SRGAP2B: variants seen among roughly 807,000 people sequenced by gnomAD.
The protein encoded by SRGAP2B is SLIT-ROBO Rho GTPase activating protein 2B, also known as SLIT-ROBO Rho GTPase-activating protein 2B.
SRGAP2B carries 9 observed loss-of-function variants against 22.2 expected under a neutral mutation model. The ratio of observed to expected loss-of-function variants is 0.41; its 90% CI spans 0.24 to 0.71. The LOEUF (loss-of-function observed/expected upper bound fraction) is 0.71, where lower values mean the gene tolerates loss of function less well. Among genes scored for constraint, SRGAP2B ranks in the 30% least tolerant of loss-of-function variants. The pLI, the probability that SRGAP2B is intolerant of heterozygous loss-of-function variation, is 0.35. For missense variants in SRGAP2B, 114 were observed against 235.8 expected (o/e 0.48, Z 3.38); for synonymous variants, 36 against 87.4 (o/e 0.41, Z 3.28).
At chr1:144,910,370 C>A (rs1663333028) in intron 5 of SRGAP2B, among the ~76,000 whole-genome samples, 1 of 143,402 alleles carries the variant, frequency 7.0e-6, no homozygotes, top group African/African-American at 2.7e-5. Context: ...TCAGAAACAT[C>A]TCTTATTTGT....
At chr1:144,920,135 C>G (rs1664122568) in intron 4 of SRGAP2B, among the ~76,000 whole-genome samples, 3 of 151,036 alleles carry the variant, frequency 2.0e-5, no homozygotes, top group Admixed American at 2.0e-4. Context: ...CTGATTGGTG[C>G]ATTTACAATC....
At chr1:144,898,555 A>C (rs1322020470) in intron 7 of SRGAP2B, among the ~76,000 whole-genome samples, 4 of 149,850 alleles carry the variant, frequency 2.7e-5, no homozygotes, top group African/African-American at 1.0e-4. Flanking sequence ...TCCGGGTCCT[A>C]AGAAGAAACC....
intron 3 of SRGAP2B, among the ~76,000 whole-genome samples, chr1:144,968,730 T>A (rs1159759222): frequency 1.1e-4 from 11 of 104,460 alleles, no homozygotes; most frequent in African/African-American, 4.6e-4. Context: ...ACATGATTGT[T>A]TATCTAGAAA....
At chr1:145,002,604 A>G (rs1262651476) in intron 2 of SRGAP2B, among the ~76,000 whole-genome samples, 1 of 149,320 alleles carries the variant, frequency 6.7e-6, no homozygotes, top group African/African-American at 2.5e-5. Context: ...AAACAAAAAA[A>G]CCACTTTGCC....
At chr1:144,984,865 A>G (rs1322608491) in intron 3 of SRGAP2B, among the ~76,000 whole-genome samples, 2 of 150,412 alleles carry the variant, frequency 1.3e-5, no homozygotes, top group Non-Finnish European at 2.9e-5. Context: ...AAGGCCCTCC[A>G]CAATACAAAC....
chr1:145,080,851 G>A (rs1237725312), intron 2 of SRGAP2B, among the ~76,000 whole-genome samples: 12 of 149,598 alleles, frequency 8.0e-5, no homozygotes, highest in Non-Finnish European at 3.0e-5. Flanking sequence ...CACCCAGCCA[G>A]GCCGATCTTC....
At position 145,020,249 on chromosome 1, in the gene SRGAP2B, TA is replaced by T. The variant is rs1356855747; in HGVS notation, c.68-25050del. 2.9e-5 allele frequency among the ~76,000 whole-genome samples: 4 copies of T among 138,854 alleles called. 1 individual carries two copies. Among genetic ancestry groups the T allele is most frequent in the African/African-American group, 2.8e-5 (1 of 35,158 alleles). The allele number at this position is 138,854 out of a possible 152,430, so 91.1% of individuals were successfully genotyped here. ...GGGCAACAAAATGAGACCCTGTCTCTAAAAAATAAAAATTAAAAATTAAAAA... is the reference window on the plus strand; with the variant it reads ...GGGCAACAAAATGAGACCCTGTCTCTAAAAATAAAAATTAAAAATTAAAAA... On this transcript the variant is annotated intron_variant, in intron 2 of 9. Transcript: ENST00000612199.
Position 144,920,250 on chromosome 1 carries a change from T to A in SRGAP2B, c.424-5496A>T, listed in dbSNP as rs183921026. ...TCCACTATGATATTTCCTATTTTTT[T>A]ATCTTCTTTTTTTCTTTTCTTTCTT... On this transcript the variant is annotated intron_variant, in intron 4 of 9. Transcript: ENST00000612199. 7.7e-4 allele frequency among the ~76,000 whole-genome samples: 116 copies of A among 151,070 alleles called. 10 individuals are homozygous for A. The highest frequency in any genetic ancestry group is 2.7e-3 in the African/African-American group (110 of 40,498).
intron 4 of SRGAP2B, among the ~76,000 whole-genome samples, chr1:144,934,489 T>G (rs1295312746): frequency 6.7e-6 from 1 of 148,638 alleles, no homozygotes; most frequent in Non-Finnish European, 1.5e-5. Flanking sequence ...TTCCCCCCAT[T>G]TCAGAATTTT....
chr1:144,996,218 A>G (rs1670666089), intron 2 of SRGAP2B, among the ~76,000 whole-genome samples: 1 of 150,756 alleles, frequency 6.6e-6, no homozygotes, highest in Non-Finnish European at 1.5e-5. Flanking sequence ...TTTTCAGCTC[A>G]GAGAAGGCTT....
intron 4 of SRGAP2B, among the ~76,000 whole-genome samples, chr1:144,925,795 G>GAAAGAAAGA (rs1439935714): frequency 4.2e-5 from 3 of 71,258 alleles, no homozygotes; most frequent in East Asian, 4.1e-4. Flanking sequence ...AAGAAAGAAA[G>GAAAGAAAGA]GAGAGAGAAA....
At chr1:145,035,958 C>T (rs1285003109) in intron 2 of SRGAP2B, among the ~76,000 whole-genome samples, 2 of 140,838 alleles carry the variant, frequency 1.4e-5, no homozygotes, top group Admixed American at 1.4e-4. Flanking sequence ...AAAAAAAACC[C>T]ACGATAAAAC....
intron 2 of SRGAP2B, among the ~76,000 whole-genome samples, chr1:145,089,169 C>T (rs1469647064): frequency 1.3e-5 from 2 of 150,762 alleles, no homozygotes; most frequent in African/African-American, 2.5e-5. Context: ...GAACCAATCC[C>T]CTGAGGATAC....
intron 2 of SRGAP2B, among the ~76,000 whole-genome samples, chr1:145,009,032 C>T (rs1553621713): frequency 6.8e-6 from 1 of 147,314 alleles, no homozygotes; most frequent in East Asian, 2.0e-4. Context: ...AAAAAAGTAG[C>T]TGGGCGTGGT....
In SRGAP2B at chr1:144,931,424, T is replaced by C. The variant is rs587653048; in HGVS notation, c.424-16670A>G. Among the ~76,000 whole-genome samples the C allele has an allele frequency of 3.1e-4, 46 of 150,790 alleles. 2 individuals carry two copies. The highest frequency in any genetic ancestry group is 5.3e-4 in the Non-Finnish European group (36 of 67,964). On this transcript the variant is annotated intron_variant, in intron 4 of 9. Coordinates refer to ENST00000612199, the Ensembl canonical transcript of SRGAP2B. ...GCACCTAATAATTACAGAGCGAAGA[T>C]AGGGGGAAGAAAGGCCATAAATTTT...
intron 2 of SRGAP2B, among the ~76,000 whole-genome samples, chr1:145,014,434 T>TCAC (rs1357438803): frequency 6.6e-6 from 1 of 150,424 alleles, no homozygotes; most frequent in African/African-American, 2.5e-5. Flanking sequence ...TAGATGATTT[T>TCAC]CACCAGATCA....
intron 2 of SRGAP2B, among the ~76,000 whole-genome samples, chr1:145,059,277 TAA>T (rs1375256609): frequency 4.8e-5 from 5 of 103,724 alleles, no homozygotes; most frequent in African/African-American, 8.0e-5. Context: ...ACTAAAAATA[TAA>T]AAATCAGCCG....
chr1:144,991,174 C>A (rs1553617065), intron 3 of SRGAP2B, among the ~76,000 whole-genome samples: 1 of 150,878 alleles, frequency 6.6e-6, no homozygotes, highest in African/African-American at 2.5e-5. Context: ...ATACACCAAT[C>A]AGCACCCTGT....
At chr1:144,908,265 G>T (rs1225817910) in intron 5 of SRGAP2B, among the ~76,000 whole-genome samples, 1 of 150,246 alleles carries the variant, frequency 6.7e-6, no homozygotes, top group East Asian at 1.9e-4. Flanking sequence ...AAGAGAAAAC[G>T]TTATGAATAA....
Sources: gnomAD v4.1 joint callset for allele counts (sites outside exome capture counted in the v4.1 genomes callset) on GRCh38, gnomAD v4.1.1 for gene constraint, MANE v1.5 for transcripts, NCBI Gene and HGNC (gene_info 2026-07-23, HGNC 2026-07-21) for gene names.